ABLIM1: variants seen among roughly 807,000 people sequenced by gnomAD.
The protein encoded by ABLIM1 is actin binding LIM protein 1.
ABLIM1 carries 40 observed loss-of-function variants against 107.0 expected under a neutral mutation model. The observed-to-expected ratio is 0.37, with a 90% CI of 0.29 to 0.49. The LOEUF (loss-of-function observed/expected upper bound fraction) is 0.49. Ranked by LOEUF, ABLIM1 falls within the 20% of genes least tolerant of loss-of-function variation. The pLI is 0.97. For synonymous variants in ABLIM1, 357 were observed against 357.3 expected (o/e 1.00, Z 0.01); for missense variants, 857 against 1,008.5 (o/e 0.85, Z 2.04).
chr10:114,665,416 A>C (rs555159136), intron 1 of ABLIM1, among the ~76,000 whole-genome samples: 9 of 152,348 alleles, frequency 5.9e-5, no homozygotes, highest in African/African-American at 2.2e-4. Context: ...AGGAGGGCAG[A>C]AAAGAACATT....
intron 1 of ABLIM1, among the ~76,000 whole-genome samples, chr10:114,740,518 T>A (rs897008701): frequency 6.6e-6 from 1 of 151,834 alleles, no homozygotes; most frequent in Non-Finnish European, 1.5e-5. Flanking sequence ...CTCCTTCACA[T>A]CCTCCTAGGG....
intron 4 of ABLIM1, among the ~76,000 whole-genome samples, chr10:114,554,724 G>C (rs972462269): frequency 6.6e-6 from 1 of 152,136 alleles, no homozygotes; most frequent in Admixed American, 6.5e-5. Flanking sequence ...AATTAAGGTG[G>C]AAAAGGCAGC....
chr10:114,635,082 A>G (rs2078411024), intron 1 of ABLIM1, among the ~76,000 whole-genome samples: 1 of 152,208 alleles, frequency 6.6e-6, no homozygotes, highest in African/African-American at 2.4e-5. Flanking sequence ...ATGATTTCCA[A>G]AGAACTTATC....
At chr10:114,620,856 G>C (rs2077422969) in intron 1 of ABLIM1, among the ~76,000 whole-genome samples, 1 of 152,168 alleles carries the variant, frequency 6.6e-6, no homozygotes. Flanking sequence ...TGGAACCTAG[G>C]ATGAAGGACA....
intron 3 of ABLIM1, among the ~76,000 whole-genome samples, chr10:114,571,685 C>T (rs2071706363): frequency 6.6e-6 from 1 of 152,118 alleles, no homozygotes; most frequent in East Asian, 1.9e-4. Context: ...GATATTCCAG[C>T]AAGTGATCTA....
upstream of ABLIM1, among the ~76,000 whole-genome samples, chr10:114,770,462 A>G (rs1252514449): frequency 2.7e-4 from 41 of 150,184 alleles, no homozygotes; most frequent in African/African-American, 1.0e-3. Context: ...TCAACAAGAT[A>G]ATATGTTTCC....
intron 2 of ABLIM1, among the ~76,000 whole-genome samples, chr10:114,586,520 T>C (rs1042595284): frequency 2.0e-5 from 3 of 152,222 alleles, no homozygotes; most frequent in African/African-American, 4.8e-5. Context: ...AAGTATATCA[T>C]GGGTTCTTTT....
At chr10:114,748,362 C>T (rs143403027) in intron 1 of ABLIM1, among the ~76,000 whole-genome samples, 42 of 152,172 alleles carry the variant, frequency 2.8e-4, no homozygotes, top group Admixed American at 1.1e-3. Flanking sequence ...ACAAAAGTGA[C>T]CCAGAAGGAA....
At chr10:114,768,526 TC>T (rs2082960938), upstream of ABLIM1, among the ~76,000 whole-genome samples, 1 of 152,096 alleles carries the variant, frequency 6.6e-6, no homozygotes, top group African/African-American at 2.4e-5. Flanking sequence ...GGCCGTTCGT[TC>T]CTTCCCCTAA....
At chr10:114,441,535 C>T (rs2060197626) in intron 18 of ABLIM1, among the ~76,000 whole-genome samples, 187 bp downstream of exon 18, 1 of 152,174 alleles carries the variant, frequency 6.6e-6, no homozygotes. Context: ...TTCTTCTTCT[C>T]TCAATAGAAA....
intron 1 of ABLIM1, among the ~76,000 whole-genome samples, chr10:114,625,272 T>C (rs371531987): frequency 2.8e-4 from 42 of 152,290 alleles, no homozygotes; most frequent in African/African-American, 9.6e-4. Flanking sequence ...TGAGGAATTA[T>C]TACACCACAG....
intron 8 of ABLIM1, among the ~76,000 whole-genome samples, chr10:114,486,255 G>C (rs1216705155): frequency 6.6e-6 from 1 of 152,104 alleles, no homozygotes; most frequent in Non-Finnish European, 1.5e-5. Context: ...TCCTGATACA[G>C]AAAAGACCCA....
At chr10:114,583,296 A>C (rs2073642429) in intron 2 of ABLIM1, among the ~76,000 whole-genome samples, 1 of 146,254 alleles carries the variant, frequency 6.8e-6, no homozygotes, top group East Asian at 2.0e-4. Context: ...TCAAAACCAC[A>C]ACAAGATACC....
At chr10:114,715,841 A>C (rs924717992) in intron 1 of ABLIM1, among the ~76,000 whole-genome samples, 3 of 152,244 alleles carry the variant, frequency 2.0e-5, no homozygotes, top group Admixed American at 2.0e-4. Context: ...TTATACTTCC[A>C]TTTGCAAGAA....
chr10:114,740,273 G>A (rs148740104), intron 1 of ABLIM1, among the ~76,000 whole-genome samples: 44 of 152,232 alleles, frequency 2.9e-4, no homozygotes, highest in African/African-American at 1.1e-3. Context: ...TTAAAGAATA[G>A]GCATTTTAAG....
At chr10:114,626,745 C>A (rs144025736) in intron 1 of ABLIM1, among the ~76,000 whole-genome samples, 1 of 152,240 alleles carries the variant, frequency 6.6e-6, no homozygotes, top group East Asian at 1.9e-4. Context: ...CAGAATGTGG[C>A]CCTATTTGGA....
At chr10:114,551,416 C>A (rs2068043721) in intron 4 of ABLIM1, among the ~76,000 whole-genome samples, 1 of 152,068 alleles carries the variant, frequency 6.6e-6, no homozygotes, top group African/African-American at 2.4e-5. Context: ...CGGAGTTACA[C>A]TCTATACAAA....
chr10:114,444,213 G>T, intron 16 of ABLIM1, 79 bp from the exon 17 acceptor site: 1 of 1,257,674 alleles, frequency 8.0e-7, no homozygotes, highest in Non-Finnish European at 1.1e-6. Flanking sequence ...CAGTTTCTTT[G>T]TAGCAGATCC....
At chr10:114,519,428 G>C (rs375532393) in intron 6 of ABLIM1, among the ~76,000 whole-genome samples, 2 of 152,120 alleles carry the variant, frequency 1.3e-5, no homozygotes, top group African/African-American at 4.8e-5. Context: ...TTTTTTCCCC[G>C]CCCAGCACAT....
Sources: gnomAD v4.1 joint callset for allele counts (sites outside exome capture counted in the v4.1 genomes callset) on GRCh38, gnomAD v4.1.1 for gene constraint, MANE v1.5 for transcripts, NCBI Gene and HGNC (gene_info 2026-07-23, HGNC 2026-07-21) for gene names.